The following PIAS1 variants were observed in gnomAD, a reference collection of about 807,000 sequenced individuals.
PIAS1 encodes protein inhibitor of activated STAT 1, also known as E3 SUMO-protein ligase PIAS1.
Under a neutral mutation model 71.3 loss-of-function variants are expected in PIAS1, and 6 were observed. That is an observed-to-expected ratio of 0.08 (90% CI 0.05 to 0.17). PIAS1 has a LOEUF of 0.17. Ranked by LOEUF, PIAS1 falls within the 10% of genes least tolerant of loss-of-function variation. The probability of loss-of-function intolerance (pLI) is 1.00; values close to 1 mark genes in which losing one functional copy is unlikely to be tolerated. For missense variants in PIAS1, 555 were observed against 793.6 expected (o/e 0.70, Z 3.61); for synonymous variants, 303 against 292.9 (o/e 1.03, Z -0.35).
chr15:68,163,529 G>A (rs1359791769), intron 7 of PIAS1, among the ~76,000 whole-genome samples: 3 of 152,146 alleles, frequency 2.0e-5, no homozygotes, highest in Non-Finnish European at 2.9e-5. Flanking sequence ...TAGGTCTGAT[G>A]TGCACCTTAC....
intron 1 of PIAS1, among the ~76,000 whole-genome samples, chr15:68,067,330 CCT>C (rs1355732393): frequency 6.6e-6 from 1 of 152,106 alleles, no homozygotes; most frequent in East Asian, 1.9e-4. Flanking sequence ...TTAGTATTCC[CCT>C]CTCTAGGCAT....
intron 1 of PIAS1, among the ~76,000 whole-genome samples, chr15:68,076,381 C>T (rs2092164936): frequency 6.6e-6 from 1 of 152,032 alleles, no homozygotes; most frequent in African/African-American, 2.4e-5. Context: ...GTGGCATGCA[C>T]CTGTAGTCCC....
chr15:68,087,238 A>G (rs552352512), intron 2 of PIAS1, among the ~76,000 whole-genome samples: 68 of 152,284 alleles, frequency 4.5e-4, no homozygotes, highest in African/African-American at 1.6e-3. Flanking sequence ...CAAGTGGAGA[A>G]GTGCATGCTT....
At chr15:68,107,599 C>T (rs1368854198) in intron 2 of PIAS1, among the ~76,000 whole-genome samples, 1 of 152,108 alleles carries the variant, frequency 6.6e-6, no homozygotes, top group Non-Finnish European at 1.5e-5. Context: ...ATTTTTAATA[C>T]TTTACCCTTA....
At chr15:68,096,423 A>G in intron 2 of PIAS1, among the ~76,000 whole-genome samples, 1 of 150,848 alleles carries the variant, frequency 6.6e-6, no homozygotes, top group East Asian at 1.9e-4. Context: ...TTGAGATTTT[A>G]TATCAACTTT....
chr15:68,137,383 A>G (rs1207019682), intron 2 of PIAS1, among the ~76,000 whole-genome samples: 1 of 152,156 alleles, frequency 6.6e-6, no homozygotes, highest in Non-Finnish European at 1.5e-5. Context: ...AATAAGGGTA[A>G]TTTTTTTAAA....
At chr15:68,101,054 A>G (rs1207668784) in intron 2 of PIAS1, among the ~76,000 whole-genome samples, 1 of 151,860 alleles carries the variant, frequency 6.6e-6, no homozygotes, top group Non-Finnish European at 1.5e-5. Context: ...ACACGCCACC[A>G]CACCTGGCTA....
chr15:68,088,281 A>G (rs1176018857), intron 2 of PIAS1, among the ~76,000 whole-genome samples: 1 of 149,994 alleles, frequency 6.7e-6, no homozygotes, highest in Non-Finnish European at 1.5e-5. Flanking sequence ...ATGTGTACAT[A>G]TGTGTTATGT....
chr15:68,126,351 T>G (rs1398009696), intron 2 of PIAS1, among the ~76,000 whole-genome samples: 6 of 152,204 alleles, frequency 3.9e-5, no homozygotes, highest in African/African-American at 1.4e-4. Context: ...TCTATTGAGC[T>G]TTTCCTTTGT....
At chr15:68,172,965 T>C (rs2093000662) in intron 8 of PIAS1, among the ~76,000 whole-genome samples, 1 of 152,230 alleles carries the variant, frequency 6.6e-6, no homozygotes, top group African/African-American at 2.4e-5. Flanking sequence ...GCAGAGTGTG[T>C]GCACCTGCCT....
Position 68,054,544 on chromosome 15 carries a change from G to T in PIAS1, c.24+194G>T. On this transcript the variant is annotated intron_variant, in intron 1 of 13. Transcript: ENST00000249636. This position sits in a 1 kb window ranked among gnomAD's most constrained non-coding sequence, Gnocchi z 4.6. The stretch of plus-strand genomic sequence containing the variant: ...GCGGGCCGCGGGCCCCGGGTGCCTC[G>T]GGGGCGCTGACGGGTCGTCCCCGGC... 2 of 521,354 alleles carry T rather than the reference G, an allele frequency of 3.8e-6. No homozygotes were observed. Among genetic ancestry groups the T allele is most frequent in the Non-Finnish European group, 6.7e-6 (2 of 297,946 alleles). The allele number at this position is 521,354 out of a possible 1,614,324, so 32.3% of individuals were successfully genotyped here.
In PIAS1 at chr15:68,084,686, T is replaced by C. The variant is rs77934019; in HGVS notation, c.25-1620T>C. ...ATTTGTTCGTTCATTCATTCACTCA[T>C]TGATTATGCAGGCATTTGAAGAGTT... On this transcript the variant is annotated intron_variant, in intron 1 of 13. Transcript: ENST00000249636. Among the ~76,000 whole-genome samples, 819 of 152,296 alleles carry C rather than the reference T, an allele frequency of 5.4e-3. 11 individuals are homozygous for C. The highest frequency in any genetic ancestry group is 0.019 in the African/African-American group (795 of 41,576).
chr15:68,061,144 G>A (rs1173564911), intron 1 of PIAS1, among the ~76,000 whole-genome samples: 1 of 152,188 alleles, frequency 6.6e-6, no homozygotes, highest in African/African-American at 2.4e-5. Context: ...GAAATTGATC[G>A]TACTCTAAAT....
chr15:68,074,900 A>G (rs1159522793), intron 1 of PIAS1, among the ~76,000 whole-genome samples: 3 of 151,628 alleles, frequency 2.0e-5, no homozygotes, highest in East Asian at 3.9e-4. Flanking sequence ...ATGGATGCTA[A>G]AAAGTATAGT....
chr15:68,094,417 A>G (rs1674277861), intron 2 of PIAS1, among the ~76,000 whole-genome samples: 1 of 151,952 alleles, frequency 6.6e-6, no homozygotes, highest in Non-Finnish European at 1.5e-5. Context: ...GCTCTAGGCA[A>G]AAAGGGAACA....
At chr15:68,180,549 T>A (rs2093047770) in intron 11 of PIAS1, among the ~76,000 whole-genome samples, 1 of 152,378 alleles carries the variant, frequency 6.6e-6, no homozygotes, top group South Asian at 2.1e-4. Flanking sequence ...TTTTTCCAGT[T>A]ATACTGTTCT....
At chr15:68,181,529 A>C in intron 12 of PIAS1, 175 bp downstream of exon 12, 1 of 576,292 alleles carries the variant, frequency 1.7e-6, no homozygotes. Context: ...CAGTTCGTTG[A>C]TTGTACTGTC....
chr15:68,096,507 A>G (rs1595720668), intron 2 of PIAS1, among the ~76,000 whole-genome samples: 1 of 151,898 alleles, frequency 6.6e-6, no homozygotes, highest in East Asian at 1.9e-4. Context: ...TTAAATCTGT[A>G]GATTGCTTTG....
At chr15:68,127,255 T>TATA (rs1377049268) in intron 2 of PIAS1, among the ~76,000 whole-genome samples, 5 of 152,154 alleles carry the variant, frequency 3.3e-5, no homozygotes, top group Admixed American at 3.3e-4. Context: ...CATCAAGCTT[T>TATA]ATAGACCCAG....
Sources: gnomAD v4.1 joint callset for allele counts (sites outside exome capture counted in the v4.1 genomes callset) on GRCh38, gnomAD v4.1.1 for gene constraint, Gnocchi (gnomAD v3.1) non-coding constraint, MANE v1.5 for transcripts, NCBI Gene and HGNC (gene_info 2026-07-23, HGNC 2026-07-21) for gene names.